Variants in UGGT2 observed in about 807,000 individuals in gnomAD.
UGGT2 encodes the protein UDP-glucose:glycoprotein glucosyltransferase 2.
A neutral mutation model predicts 192.1 loss-of-function variants in UGGT2; 180 were observed. The observed-to-expected ratio is 0.94, with a 90% CI of 0.83 to 1.06. UGGT2 has a LOEUF of 1.06. UGGT2 is among the 50% of genes least tolerant of loss of function. The pLI is 0.00. For missense variants in UGGT2, 1,849 were observed against 1,795.7 expected (o/e 1.03, Z -0.54); for synonymous variants, 580 against 591.0 (o/e 0.98, Z 0.27).
intron 16 of UGGT2, among the ~76,000 whole-genome samples, chr13:95,939,247 T>C (rs1248006696): frequency 1.3e-5 from 2 of 152,202 alleles, no homozygotes; most frequent in Non-Finnish European, 2.9e-5. Flanking sequence ...TGTTAATCTC[T>C]TACAACCCCC....
chr13:95,867,234 T>C, intron 30 of UGGT2, 105 bp downstream of exon 30: 4 of 1,037,810 alleles, frequency 3.9e-6, no homozygotes, highest in Non-Finnish European at 5.5e-6. Context: ...TTTTAGGTTG[T>C]AAAATTGTAA....
intron 20 of UGGT2, among the ~76,000 whole-genome samples, chr13:95,924,266 C>A (rs1321644575): frequency 6.6e-6 from 1 of 151,858 alleles, no homozygotes; most frequent in African/African-American, 2.4e-5. Flanking sequence ...ATCTGCTAGA[C>A]ACATTGAAAC....
At chr13:95,876,667 T>A (rs118118104) in intron 29 of UGGT2, among the ~76,000 whole-genome samples, 6 of 152,148 alleles carry the variant, frequency 3.9e-5, no homozygotes, top group Admixed American at 1.3e-4. Context: ...ATGCATGTAA[T>A]GTAAATTATC....
At chr13:95,875,432 A>C (rs1891592967) in intron 29 of UGGT2, among the ~76,000 whole-genome samples, 1 of 152,188 alleles carries the variant, frequency 6.6e-6, no homozygotes. Context: ...TTTTAGTGTG[A>C]ATATTAACGC....
At chr13:95,959,272 A>G (rs1566757588) in intron 12 of UGGT2, among the ~76,000 whole-genome samples, 1 of 152,010 alleles carries the variant, frequency 6.6e-6, no homozygotes, top group African/African-American at 2.4e-5. Flanking sequence ...GGGTGGGGGG[A>G]CATAGGATGA....
intron 22 of UGGT2, among the ~76,000 whole-genome samples, chr13:95,898,554 T>C (rs1335357708): frequency 2.0e-5 from 3 of 152,128 alleles, no homozygotes; most frequent in African/African-American, 4.8e-5. Context: ...CTGCTATGAA[T>C]GTGCTATGGT....
At chr13:95,914,172 A>G (rs910290748) in intron 20 of UGGT2, among the ~76,000 whole-genome samples, 3 of 152,004 alleles carry the variant, frequency 2.0e-5, no homozygotes, top group African/African-American at 7.3e-5. Flanking sequence ...GGTACAGCAA[A>G]CCATCATGGC....
intron 8 of UGGT2, 142 bp downstream of exon 8, chr13:95,989,831 C>A: frequency 2.1e-6 from 1 of 487,592 alleles, no homozygotes; most frequent in South Asian, 4.5e-5. Context: ...TAGGTATTGC[C>A]ACAAAAAATC....
chr13:95,877,814 G>GT lies in UGGT2; in HGVS notation c.3270dup (p.Leu1091ThrfsTer8). On this transcript the variant is annotated frameshift_variant, in exon 28 of 39. Transcript: ENST00000376747. LOFTEE classifies it high-confidence loss of function. ...TTATCAAAGCATTGTCCTTCCAGTA[G>GT]TAAGTATTCTAGTTCATATTCTGCT... 6.2e-7 allele frequency: 1 copy of GT among 1,613,932 alleles called. No individual in the cohort carries two copies. Among genetic ancestry groups the GT allele is most frequent in the Non-Finnish European group, 8.5e-7 (1 of 1,179,946 alleles).
At chr13:95,981,052 T>C (rs1274634024) in intron 10 of UGGT2, among the ~76,000 whole-genome samples, 2 of 152,182 alleles carry the variant, frequency 1.3e-5, no homozygotes, top group African/African-American at 4.8e-5. Flanking sequence ...CTTTTATTTA[T>C]GTATTTATTT....
chr13:95,836,666 T>C (rs1403205629), intron 37 of UGGT2, among the ~76,000 whole-genome samples: 2 of 152,214 alleles, frequency 1.3e-5, no homozygotes, highest in African/African-American at 4.8e-5. Context: ...TAAATGTCCT[T>C]AGTAGGTAAT....
chr13:96,026,220 G>A lies in UGGT2; in HGVS notation c.242-2461C>T, dbSNP rs189049895. Among the ~76,000 whole-genome samples, 182 of 152,192 alleles carry A rather than the reference G, an allele frequency of 1.2e-3. 1 individual carries two copies. Among genetic ancestry groups the A allele is most frequent in the African/African-American group, 4.1e-3 (172 of 41,542 alleles). On this transcript the variant is annotated intron_variant, in intron 2 of 38. Transcript: ENST00000376747. ...TCTGGGGCTCTAAAGTTAAAAATCA[G>A]AAGTTTCGAATTCACACATGAACAA...
intron 19 of UGGT2, among the ~76,000 whole-genome samples, chr13:95,926,254 G>A (rs958381696): frequency 6.6e-6 from 1 of 152,102 alleles, no homozygotes; most frequent in African/African-American, 2.4e-5. Flanking sequence ...GAGCCATCTG[G>A]TAGAAACTCG....
intron 20 of UGGT2, among the ~76,000 whole-genome samples, chr13:95,904,714 G>A (rs2048227101): frequency 1.3e-5 from 2 of 152,002 alleles, no homozygotes; most frequent in African/African-American, 2.4e-5. Context: ...ATTTCGGTTG[G>A]TTCCAAGTCT....
chr13:95,947,639 C>T (rs1274721219), intron 14 of UGGT2, among the ~76,000 whole-genome samples: 9 of 151,810 alleles, frequency 5.9e-5, no homozygotes, highest in Non-Finnish European at 1.0e-4. Flanking sequence ...TTAGTAGAGA[C>T]GGGGTTTCAT....
Position 95,926,318 on chromosome 13 carries a change from T to C in UGGT2, c.2201-544A>G, listed in dbSNP as rs576138184. 1.4e-4 allele frequency among the ~76,000 whole-genome samples: 21 copies of C among 152,224 alleles called. No individual in the cohort carries two copies. The South Asian group carries it at 4.4e-3, about 32-fold the overall frequency. On this transcript the variant is annotated intron_variant, in intron 19 of 38. Transcript: ENST00000376747. ...GGTTGTGTGGCCTTTGCTTTAAATC[T>C]CTCTCCTATATAAAAGTTTGCCCCT...
intron 17 of UGGT2, among the ~76,000 whole-genome samples, chr13:95,927,649 G>A (rs967494526): frequency 6.6e-6 from 1 of 150,954 alleles, no homozygotes; most frequent in East Asian, 1.9e-4. Flanking sequence ...TTGTTTGTTT[G>A]CTTTTTTGTT....
In UGGT2 at chr13:95,975,640, A is replaced by G. The variant is rs1594484849; in HGVS notation, c.1093-2969T>C. 3.9e-5 allele frequency among the ~76,000 whole-genome samples: 6 copies of G among 152,172 alleles called. No individual in the cohort carries two copies. In the South Asian group the frequency reaches 1.2e-3, roughly 32 times the overall value. On this transcript the variant is annotated intron_variant, in intron 10 of 38. Transcript: ENST00000376747. Reference sequence around the variant, plus strand: ...AAGAAGAGGGAACCCATTTATTCTAATATGTCTCTTTAATAACCAATGGAG... The same window carrying G: ...AAGAAGAGGGAACCCATTTATTCTAGTATGTCTCTTTAATAACCAATGGAG...
At chr13:95,970,046 C>A in intron 12 of UGGT2, 66 bp downstream of exon 12, 1 of 1,486,622 alleles carries the variant, frequency 6.7e-7, no homozygotes, top group Admixed American at 2.1e-5. Flanking sequence ...CCTGCCGATA[C>A]TTCATTTTAT....
Sources: gnomAD v4.1 joint callset for allele counts (sites outside exome capture counted in the v4.1 genomes callset) on GRCh38, gnomAD v4.1.1 for gene constraint, MANE v1.5 for transcripts, NCBI Gene and HGNC (gene_info 2026-07-23, HGNC 2026-07-21) for gene names.